Variants in HGF observed in about 807,000 individuals in gnomAD.
HGF encodes the protein fibroblast-derived tumor cytotoxic factor.
In HGF, 39 loss-of-function variants were observed where a neutral mutation model predicts 111.6. That is an observed-to-expected ratio of 0.35 (90% CI 0.27 to 0.46). HGF has a LOEUF of 0.46. Among genes scored for constraint, HGF ranks in the 20% least tolerant of loss-of-function variants. The probability of loss-of-function intolerance (pLI) is 1.00; values close to 1 mark genes in which losing one functional copy is unlikely to be tolerated. For missense variants in HGF, 735 were observed against 910.5 expected, an observed-to-expected ratio of 0.81 and a Z score of 2.48; for synonymous variants, 285 against 294.8, an observed-to-expected ratio of 0.97 and a Z score of 0.34.
chr7:81,723,489 A>G (rs2115888601), intron 9 of HGF, among the ~76,000 whole-genome samples: 1 of 152,022 alleles, frequency 6.6e-6, no homozygotes, highest in South Asian at 2.1e-4. Context: ...ATATATTTTA[A>G]GACTGAAATA....
At chr7:81,752,695 T>C (rs1788561620) in intron 4 of HGF, among the ~76,000 whole-genome samples, 1 of 152,132 alleles carries the variant, frequency 6.6e-6, no homozygotes, top group Admixed American at 6.6e-5. Context: ...TTTATTGCTT[T>C]TCTTATAAAT....
chr7:81,721,109 T>C (rs575126598), intron 9 of HGF, among the ~76,000 whole-genome samples: 10 of 152,028 alleles, frequency 6.6e-5, no homozygotes, highest in Admixed American at 2.0e-4. Context: ...TAGCCAGGCG[T>C]GGTGGTGGGC....
intron 7 of HGF, among the ~76,000 whole-genome samples, chr7:81,742,001 A>C (rs1339985714): frequency 1.3e-5 from 2 of 151,820 alleles, no homozygotes; most frequent in African/African-American, 4.8e-5. Flanking sequence ...ACAAAAAATC[A>C]GAAGGGAAAC....
intron 5 of HGF, among the ~76,000 whole-genome samples, chr7:81,748,348 A>G (rs1027982359): frequency 1.2e-4 from 18 of 152,294 alleles, no homozygotes; most frequent in Admixed American, 1.0e-3. Flanking sequence ...ATGGGAATGT[A>G]ACTAGATTGG....
chr7:81,745,140 G>T lies in HGF; in HGVS notation c.626-20C>A, dbSNP rs1334851839. The T allele has an allele frequency of 1.9e-6, 3 of 1,612,572 alleles. No individual in the cohort carries two copies. Among genetic ancestry groups the T allele is most frequent in the Non-Finnish European group, 2.5e-6 (3 of 1,179,074 alleles). On this transcript the variant is annotated intron_variant, in intron 5 of 17. Coordinates refer to ENST00000222390, the MANE Select transcript of HGF (RefSeq NM_000601.6). ...ATTCAACTAATAAAATTAAAGTATG[G>T]CATGTTAATTGTTTCTGACAGCAAA...
Position 81,705,380 on chromosome 7 carries a change from T to C in HGF, c.2010+10A>G, listed in dbSNP as rs749474633. 1 of 1,611,576 alleles carries C rather than the reference T, an allele frequency of 6.2e-7. No homozygotes were observed. Among genetic ancestry groups the C allele is most frequent in the African/African-American group, 1.3e-5 (1 of 74,792 alleles). ...ATCACATACTCCTTATTAAAGAACT[T>C]CCTTTTTACCTCACATGGTCCTGAT... On this transcript the variant is annotated intron_variant, in intron 17 of 17. Coordinates refer to ENST00000222390, the MANE Select transcript of HGF (RefSeq NM_000601.6).
chr7:81,737,930 A>G (rs1466886783), intron 7 of HGF, among the ~76,000 whole-genome samples: 1 of 152,128 alleles, frequency 6.6e-6, no homozygotes, highest in Non-Finnish European at 1.5e-5. Flanking sequence ...AGGGGTATCA[A>G]TCACAAGAGA....
At chr7:81,761,511 T>C (rs1051955618) in intron 2 of HGF, among the ~76,000 whole-genome samples, 17 of 150,962 alleles carry the variant, frequency 1.1e-4, no homozygotes, top group African/African-American at 4.2e-4. Context: ...CTAAATGTAA[T>C]TGAGTAGAAT....
At chr7:81,710,304 T>C (rs2115799621) in intron 12 of HGF, 61 bp from the exon 13 acceptor site, 1 of 1,058,068 alleles carries the variant, frequency 9.5e-7, no homozygotes, top group Non-Finnish European at 1.5e-6. Flanking sequence ...CAGTGCCTCT[T>C]AGTTTTCTTA....
intron 9 of HGF, among the ~76,000 whole-genome samples, chr7:81,722,905 T>A (rs1194583479): frequency 6.7e-6 from 1 of 149,860 alleles, no homozygotes; most frequent in Non-Finnish European, 1.5e-5. Flanking sequence ...CTTTTAAAAA[T>A]ATTCTATACT....
At chr7:81,756,367 AG>A in intron 4 of HGF, 1 of 289,036 alleles carries the variant, frequency 3.5e-6, no homozygotes, top group Non-Finnish European at 6.3e-6. Flanking sequence ...ATTACTAATA[AG>A]GGGAGAGCTG....
At chr7:81,733,201 T>A (rs1787721959) in intron 7 of HGF, among the ~76,000 whole-genome samples, 1 of 151,982 alleles carries the variant, frequency 6.6e-6, no homozygotes, top group Non-Finnish European at 1.5e-5. Context: ...TGGCTTTGGA[T>A]TCAATAATTT....
At chr7:81,740,382 G>T (rs1406226180) in intron 7 of HGF, among the ~76,000 whole-genome samples, 1 of 152,132 alleles carries the variant, frequency 6.6e-6, no homozygotes, top group Non-Finnish European at 1.5e-5. Context: ...GTAAATACAT[G>T]TGTGGTCCCC....
chr7:81,739,544 TG>T (rs1444250648), intron 7 of HGF, among the ~76,000 whole-genome samples: 1 of 100,820 alleles, frequency 9.9e-6, no homozygotes, highest in Non-Finnish European at 1.9e-5. Context: ...AAGATCTTTT[TG>T]TTTAGTGTCC....
At chr7:81,734,003 C>A (rs953025355) in intron 7 of HGF, among the ~76,000 whole-genome samples, 1 of 152,092 alleles carries the variant, frequency 6.6e-6, no homozygotes, top group African/African-American at 2.4e-5. Context: ...TTCCTTTGTA[C>A]TTAATACTTA....
intron 12 of HGF, 34 bp from the exon 13 acceptor site, chr7:81,710,277 T>C: frequency 1.4e-6 from 2 of 1,444,782 alleles, no homozygotes; most frequent in Non-Finnish European, 1.9e-6. Flanking sequence ...TTTTTTAAAA[T>C]AAGAATTTGA....
chr7:81,762,628 C>A (rs896050202), intron 2 of HGF, 79 bp downstream of exon 2: 1 of 1,083,890 alleles, frequency 9.2e-7, no homozygotes, highest in Non-Finnish European at 1.4e-6. Flanking sequence ...ACATTGACTA[C>A]AACACAAAAG....
At chr7:81,734,669 A>T (rs889631707) in intron 7 of HGF, among the ~76,000 whole-genome samples, 3 of 152,158 alleles carry the variant, frequency 2.0e-5, no homozygotes, top group Non-Finnish European at 4.4e-5. Flanking sequence ...ATAAAGTGCT[A>T]GCCAAAGCCT....
intron 4 of HGF, among the ~76,000 whole-genome samples, chr7:81,753,986 T>C (rs914535363): frequency 6.6e-6 from 1 of 152,024 alleles, no homozygotes; most frequent in African/African-American, 2.4e-5. Flanking sequence ...ACTTTTCTGA[T>C]AGAATCAAAT....
Sources: allele counts gnomAD v4.1 joint callset (sites outside exome capture counted in the v4.1 genomes callset), GRCh38; gene constraint gnomAD v4.1.1; transcripts MANE v1.5; gene names NCBI Gene and HGNC (gene_info 2026-07-23, HGNC 2026-07-21).